HMOX2: variants seen among roughly 807,000 people sequenced by gnomAD.
HMOX2 encodes heme oxygenase 2, also known as heme oxygenase (decycling) 2.
Under a neutral mutation model 33.7 loss-of-function variants are expected in HMOX2, and 30 were observed. That is an observed-to-expected ratio of 0.89 (90% CI 0.67 to 1.21). The LOEUF is 1.21. HMOX2 is among the 50% of genes most tolerant of loss of function. HMOX2 has a pLI of 0.00. For missense variants in HMOX2, 403 were observed against 399.1 expected (o/e 1.01, Z -0.08); for synonymous variants, 155 against 155.0 (o/e 1.00, Z 0.00).
chr16:4,507,057 G>C (rs749428526), intron 3 of HMOX2, 45 bp downstream of exon 3: 1 of 1,310,786 alleles, frequency 7.6e-7, no homozygotes, highest in East Asian at 2.3e-5. Flanking sequence ...TGGGGTTGGG[G>C]TGGGGGCCTT....
chr16:4,497,687 C>T (rs1002281773), intron 1 of HMOX2, among the ~76,000 whole-genome samples: 6 of 152,118 alleles, frequency 3.9e-5, no homozygotes, highest in African/African-American at 1.4e-4. Flanking sequence ...GAGATGAGCA[C>T]ACTTCTCTTC....
intron 1 of HMOX2, among the ~76,000 whole-genome samples, chr16:4,503,962 G>A (rs1423001274): frequency 3.9e-5 from 6 of 152,180 alleles, no homozygotes; most frequent in East Asian, 1.9e-4. Flanking sequence ...ATTAGTTGTC[G>A]GTGCTACTGT....
At chr16:4,492,986 T>G (rs550608310) in intron 1 of HMOX2, among the ~76,000 whole-genome samples, 53 of 152,094 alleles carry the variant, frequency 3.5e-4, no homozygotes, top group Admixed American at 6.6e-4. Context: ...AAAGGAAATA[T>G]TAGGGGACAT....
At position 4,507,787 on chromosome 16, in the gene HMOX2, C is replaced by T. The variant is rs1044393204; in HGVS notation, c.279C>T (p.Ala93=). 6.2e-7 allele frequency: 1 copy of T among 1,614,180 alleles called. No individual in the cohort carries two copies. The highest frequency in any genetic ancestry group is 8.5e-7 in the Non-Finnish European group (1 of 1,180,024). ...TGGAGCGCAACAAGGACCATCCAGC[C>T]TTTGCCCCTTTGTACTTCCCCATGG... ...EEMERNKDHP[A]FAPLYFPMEL... is the part of the protein sequence containing the mutation. Residue 93 remains alanine (A), a synonymous_variant, in exon 4 of 6, where the codon GCC becomes GCT. Coordinates refer to ENST00000570646, the MANE Select transcript of HMOX2 (RefSeq NM_002134.4).
intron 1 of HMOX2, among the ~76,000 whole-genome samples, chr16:4,482,799 G>T (rs1001544604): frequency 1.3e-5 from 2 of 152,118 alleles, no homozygotes; most frequent in African/African-American, 4.8e-5. Context: ...AGGCCAAGGA[G>T]GGCAGATCAC....
At chr16:4,502,829 C>T (rs1306777417) in intron 1 of HMOX2, 1 of 152,206 alleles carries the variant, frequency 6.6e-6, no homozygotes, top group Non-Finnish European at 1.5e-5. Context: ...AGAAATCCTC[C>T]TACATCAGCC....
At chr16:4,477,491 T>C (rs1447611898) in intron 1 of HMOX2, among the ~76,000 whole-genome samples, 2 of 79,672 alleles carry the variant, frequency 2.5e-5, no homozygotes, top group African/African-American at 5.2e-5. Flanking sequence ...AGAGCAAGAC[T>C]CCATCTAAAA....
At chr16:4,501,287 A>G (rs1411409655) in intron 1 of HMOX2, among the ~76,000 whole-genome samples, 2 of 152,186 alleles carry the variant, frequency 1.3e-5, no homozygotes, top group Non-Finnish European at 2.9e-5. Flanking sequence ...CATTATCAGT[A>G]TACTTTTGCA....
chr16:4,501,939 G>C (rs549604645), intron 1 of HMOX2, among the ~76,000 whole-genome samples: 2 of 152,234 alleles, frequency 1.3e-5, no homozygotes, highest in East Asian at 3.9e-4. Context: ...CTGTACAGAT[G>C]GTAGTTGGTA....
chr16:4,477,247 C>A (rs988158577), intron 1 of HMOX2, among the ~76,000 whole-genome samples: 1 of 152,094 alleles, frequency 6.6e-6, no homozygotes, highest in Non-Finnish European at 1.5e-5. Context: ...GCCTGTAATT[C>A]CAGCACTTTG....
At chr16:4,501,835 T>G (rs1469785685) in intron 1 of HMOX2, among the ~76,000 whole-genome samples, 1 of 152,178 alleles carries the variant, frequency 6.6e-6, no homozygotes, top group Non-Finnish European at 1.5e-5. Flanking sequence ...GGACAGTGGC[T>G]AGGCCACAGG....
At chr16:4,479,132 C>G (rs528360389) in intron 1 of HMOX2, among the ~76,000 whole-genome samples, 6 of 152,172 alleles carry the variant, frequency 3.9e-5, no homozygotes, top group Non-Finnish European at 7.4e-5. Flanking sequence ...GCCTGGGCGA[C>G]AAGAGCAAAA....
intron 2 of HMOX2, 136 bp from the exon 3 acceptor site, chr16:4,506,759 G>C: frequency 1.5e-6 from 1 of 675,872 alleles, no homozygotes; most frequent in Non-Finnish European, 2.7e-6. Flanking sequence ...GTGTTGGAGT[G>C]AAGTGTCTGA....
intron 1 of HMOX2, chr16:4,481,743 T>C (rs955124911): frequency 6.6e-6 from 1 of 152,240 alleles, no homozygotes; most frequent in African/African-American, 2.4e-5. Flanking sequence ...TAAATGTTTG[T>C]TGATGATAAT....
At chr16:4,486,094 G>C (rs1164454213) in intron 1 of HMOX2, among the ~76,000 whole-genome samples, 1 of 152,092 alleles carries the variant, frequency 6.6e-6, no homozygotes, top group African/African-American at 2.4e-5. Flanking sequence ...ATTCTGAAAG[G>C]GATTTGCAAC....
At chr16:4,481,233 C>T (rs944021949) in intron 1 of HMOX2, among the ~76,000 whole-genome samples, 2 of 151,274 alleles carry the variant, frequency 1.3e-5, no homozygotes, top group Admixed American at 6.6e-5. Flanking sequence ...CCTGTAGTCC[C>T]GGCTACTCGG....
At chr16:4,505,127 T>A (rs1431002141) in intron 1 of HMOX2, among the ~76,000 whole-genome samples, 1 of 152,200 alleles carries the variant, frequency 6.6e-6, no homozygotes, top group Non-Finnish European at 1.5e-5. Context: ...GCACACACAC[T>A]GTCTTCTGAA....
intron 1 of HMOX2, among the ~76,000 whole-genome samples, chr16:4,494,168 T>C (rs1306448378): frequency 1.3e-5 from 2 of 151,700 alleles, no homozygotes; most frequent in East Asian, 1.9e-4. Flanking sequence ...TACAAAAAAT[T>C]AGCGGGGCGT....
rs1295363769 is a variant in HMOX2 at position 4,507,751 on chromosome 16, C to T, written c.243C>T (p.Leu81=). The T allele has an allele frequency of 1.9e-6, 3 of 1,614,122 alleles. No individual in the cohort carries two copies. Among genetic ancestry groups the T allele is most frequent in the Non-Finnish European group, 2.5e-6 (3 of 1,180,020 alleles). The change falls in exon 4 of 6, where the codon CTC becomes CTT. Residue 81 remains leucine, a synonymous_variant. Coordinates refer to ENST00000570646, the MANE Select transcript of HMOX2 (RefSeq NM_002134.4). ...TTALYFTYSA[L]EEEMERNKDH... ...CACTTTACTTCACATACTCAGCCCT[C>T]GAGGAGGAAATGGAGCGCAACAAGG...
Sources: gnomAD v4.1 joint callset for allele counts (sites outside exome capture counted in the v4.1 genomes callset) on GRCh38, gnomAD v4.1.1 for gene constraint, MANE v1.5 for transcripts, NCBI Gene and HGNC (gene_info 2026-07-23, HGNC 2026-07-21) for gene names.